CSMD1: variants seen among roughly 807,000 people sequenced by gnomAD.
CSMD1 encodes the protein CUB and sushi domain-containing protein 1.
Under a neutral mutation model 417.5 loss-of-function variants are expected in CSMD1, and 213 were observed. The ratio of observed to expected loss-of-function variants is 0.51; its 90% CI spans 0.46 to 0.57. The LOEUF is 0.57. Among genes scored for constraint, CSMD1 ranks in the 20% least tolerant of loss-of-function variants. CSMD1 has a pLI of 0.00. For missense variants in CSMD1, 6,923 were observed against 4,529.7 expected, an observed-to-expected ratio of 1.53 and a Z score of -15.17; for synonymous variants, 2,862 against 1,736.8, an observed-to-expected ratio of 1.65 and a Z score of -16.11.
chr8:3,414,055 C>G (rs1211931476), intron 12 of CSMD1, among the ~76,000 whole-genome samples: 1 of 150,470 alleles, frequency 6.6e-6, no homozygotes, highest in Non-Finnish European at 1.5e-5. Flanking sequence ...AGGAGAATTA[C>G]TTGAAACCAG....
intron 5 of CSMD1, among the ~76,000 whole-genome samples, chr8:3,961,415 A>G (rs893507300): frequency 6.6e-6 from 1 of 152,206 alleles, no homozygotes; most frequent in Non-Finnish European, 1.5e-5. Flanking sequence ...ATTTTCCCCA[A>G]GTGCCAAATA....
chr8:3,812,552 C>T (rs1801145129), intron 5 of CSMD1, among the ~76,000 whole-genome samples: 1 of 152,172 alleles, frequency 6.6e-6, no homozygotes, highest in Non-Finnish European at 1.5e-5. Flanking sequence ...TGAAATTCAA[C>T]TATCCTCGGA....
intron 3 of CSMD1, among the ~76,000 whole-genome samples, chr8:4,101,401 G>C (rs1018745653): frequency 5.3e-5 from 8 of 152,094 alleles, no homozygotes; most frequent in African/African-American, 4.8e-5. Context: ...CACTCAGGTT[G>C]GTTGGGCAGG....
chr8:4,965,104 A>T (rs1309148144), intron 1 of CSMD1, among the ~76,000 whole-genome samples: 3 of 152,336 alleles, frequency 2.0e-5, no homozygotes, highest in East Asian at 3.9e-4. Context: ...TAGCTTATGT[A>T]ATGTGAATAT....
At chr8:3,018,714 CAAACAAACAA>C (rs1809087084) in intron 51 of CSMD1, 64 bp from the exon 52 acceptor site, 5 of 1,444,418 alleles carry the variant, frequency 3.5e-6, no homozygotes, top group Non-Finnish European at 1.9e-6. Context: ...GTGCTCCAAA[CAAACAAACAA>C]AAACAAACAA....
intron 3 of CSMD1, among the ~76,000 whole-genome samples, chr8:4,277,916 T>A (rs1796575378): frequency 6.6e-6 from 1 of 151,846 alleles, no homozygotes; most frequent in Admixed American, 6.6e-5. Context: ...CCCGGCTAAT[T>A]TTTTTGTATT....
intron 10 of CSMD1, among the ~76,000 whole-genome samples, chr8:3,535,476 T>C (rs765730272): frequency 2.0e-5 from 3 of 152,136 alleles, no homozygotes; most frequent in East Asian, 1.9e-4. Flanking sequence ...TTCTCACTTA[T>C]AAGTGGGAGC....
intron 2 of CSMD1, among the ~76,000 whole-genome samples, chr8:4,528,225 G>A (rs553448021): frequency 6.6e-6 from 1 of 152,192 alleles, no homozygotes; most frequent in Non-Finnish European, 1.5e-5. Context: ...TCCATCTTCA[G>A]TGATAAGACA....
chr8:3,927,673 C>T (rs1265301758), intron 5 of CSMD1, among the ~76,000 whole-genome samples: 1 of 151,836 alleles, frequency 6.6e-6, no homozygotes, highest in Non-Finnish European at 1.5e-5. Context: ...AACTTCATCT[C>T]AAAATAGAAA....
chr8:4,140,580 ACTGC>A (rs1270898241), intron 3 of CSMD1, among the ~76,000 whole-genome samples: 2 of 150,972 alleles, frequency 1.3e-5, no homozygotes, highest in Non-Finnish European at 2.9e-5. Flanking sequence ...AGGTGGGAAG[ACTGC>A]TTGAACCCAA....
intron 17 of CSMD1, among the ~76,000 whole-genome samples, chr8:3,391,484 T>C (rs1187405223): frequency 1.3e-5 from 2 of 152,356 alleles, no homozygotes; most frequent in Non-Finnish European, 2.9e-5. Context: ...ATGATCATTC[T>C]GGAGCGAGAA....
chr8:4,123,835 A>G (rs999408597), intron 3 of CSMD1, among the ~76,000 whole-genome samples: 39 of 152,226 alleles, frequency 2.6e-4, no homozygotes, highest in Non-Finnish European at 5.1e-4. Context: ...GGACCTATAG[A>G]GAATGAGAAC....
At chr8:3,363,787 G>C (rs1479839223) in intron 20 of CSMD1, among the ~76,000 whole-genome samples, 1 of 152,184 alleles carries the variant, frequency 6.6e-6, no homozygotes, top group Non-Finnish European at 1.5e-5. Flanking sequence ...TTCACTAGAA[G>C]TTAGCACTGA....
chr8:3,231,728 C>T (rs528485425), intron 26 of CSMD1, among the ~76,000 whole-genome samples: 5 of 152,132 alleles, frequency 3.3e-5, no homozygotes, highest in Non-Finnish European at 7.4e-5. Flanking sequence ...TCATATGATA[C>T]AGACATCAAG....
chr8:3,778,443 C>T (rs1193413383), intron 5 of CSMD1, among the ~76,000 whole-genome samples: 2 of 152,214 alleles, frequency 1.3e-5, no homozygotes, highest in Non-Finnish European at 2.9e-5. Context: ...CACTTCCAGC[C>T]ATCCCAAGGT....
At chr8:3,342,617 C>T (rs1280052697) in intron 23 of CSMD1, among the ~76,000 whole-genome samples, 1 of 152,024 alleles carries the variant, frequency 6.6e-6, no homozygotes, top group Non-Finnish European at 1.5e-5. Context: ...CTTTTATTTC[C>T]CTGTTCTTTT....
chr8:3,553,066 A>C (rs1368105892), intron 10 of CSMD1, among the ~76,000 whole-genome samples: 2 of 152,112 alleles, frequency 1.3e-5, no homozygotes, highest in African/African-American at 4.8e-5. Flanking sequence ...TCAAGCAATA[A>C]AATATTATTC....
At chr8:4,703,066 T>G (rs1301621886) in intron 1 of CSMD1, among the ~76,000 whole-genome samples, 1 of 152,198 alleles carries the variant, frequency 6.6e-6, no homozygotes, top group East Asian at 1.9e-4. Context: ...TTAAGCAAAT[T>G]ATTTTATACC....
intron 2 of CSMD1, among the ~76,000 whole-genome samples, chr8:4,614,213 A>C (rs533686732): frequency 6.6e-6 from 1 of 152,346 alleles, no homozygotes; most frequent in South Asian, 2.1e-4. Flanking sequence ...GGGGGCCAGC[A>C]AAGCAAACTG....
Sources: gnomAD v4.1 joint callset for allele counts (sites outside exome capture counted in the v4.1 genomes callset) on GRCh38, gnomAD v4.1.1 for gene constraint, MANE v1.5 for transcripts, NCBI Gene and HGNC (gene_info 2026-07-23, HGNC 2026-07-21) for gene names.